The following CACNA2D1 variants were observed in gnomAD, a reference collection of about 807,000 sequenced individuals.
CACNA2D1 encodes calcium voltage-gated channel auxiliary subunit alpha2delta 1, also known as voltage-dependent calcium channel subunit alpha-2/delta-1.
CACNA2D1 carries 53 observed loss-of-function variants against 171.5 expected under a neutral mutation model. The observed-to-expected ratio is 0.31, with a 90% CI of 0.25 to 0.39. The LOEUF (loss-of-function observed/expected upper bound fraction) is 0.39, where lower values mean the gene tolerates loss of function less well. Among genes scored for constraint, CACNA2D1 ranks in the 10% least tolerant of loss-of-function variants. The pLI is 1.00. For synonymous variants in CACNA2D1, 442 were observed against 443.1 expected (o/e 1.00, Z 0.03); for missense variants, 903 against 1,299.8 (o/e 0.69, Z 4.69).
At chr7:82,304,052 A>G (rs1236884193) in intron 3 of CACNA2D1, among the ~76,000 whole-genome samples, 1 of 152,036 alleles carries the variant, frequency 6.6e-6, no homozygotes, top group Non-Finnish European at 1.5e-5. Flanking sequence ...ACATTTCTCA[A>G]AAGGAGACAT....
chr7:82,260,764 A>G (rs1323668608), intron 3 of CACNA2D1, among the ~76,000 whole-genome samples: 5 of 152,198 alleles, frequency 3.3e-5, no homozygotes, highest in African/African-American at 4.8e-5. Context: ...GCCTGTTTTT[A>G]ACAATGACAT....
chr7:81,973,864 A>G (rs1333835340), intron 25 of CACNA2D1, among the ~76,000 whole-genome samples: 1 of 152,026 alleles, frequency 6.6e-6, no homozygotes, highest in Non-Finnish European at 1.5e-5. Context: ...TTTACCTGAA[A>G]GACAAATATA....
chr7:82,259,890 G>T (rs529842190), intron 3 of CACNA2D1, among the ~76,000 whole-genome samples: 1 of 152,162 alleles, frequency 6.6e-6, no homozygotes, highest in Non-Finnish European at 1.5e-5. Flanking sequence ...TATAATTATA[G>T]TAGGTATGTT....
chr7:82,388,156 G>A (rs1239036431), intron 1 of CACNA2D1, among the ~76,000 whole-genome samples: 2 of 151,810 alleles, frequency 1.3e-5, no homozygotes, highest in Non-Finnish European at 2.9e-5. Context: ...CTGCTGGCAG[G>A]GTTGGCTTCT....
At chr7:82,337,316 C>A (rs528032360) in intron 2 of CACNA2D1, among the ~76,000 whole-genome samples, 1 of 151,916 alleles carries the variant, frequency 6.6e-6, no homozygotes, top group African/African-American at 2.4e-5. Context: ...TATAACTGCC[C>A]GCCAAAAAAA....
chr7:82,050,352 A>T (rs1805050190), intron 10 of CACNA2D1: 2 of 464,132 alleles, frequency 4.3e-6, no homozygotes, highest in Non-Finnish European at 7.7e-6. Flanking sequence ...AGAGACAAAG[A>T]GTTTATTACT....
chr7:82,283,136 C>T (rs1810334661), intron 3 of CACNA2D1, among the ~76,000 whole-genome samples: 1 of 151,872 alleles, frequency 6.6e-6, no homozygotes, highest in Admixed American at 6.6e-5. Flanking sequence ...CTGAAGAATA[C>T]CAATCTAACT....
chr7:82,141,271 G>A (rs1040284156), intron 4 of CACNA2D1, among the ~76,000 whole-genome samples: 1 of 151,980 alleles, frequency 6.6e-6, no homozygotes, highest in Non-Finnish European at 1.5e-5. Flanking sequence ...AGGAATAAAA[G>A]ATGATTCACA....
chr7:82,076,230 G>A (rs1162162449), intron 7 of CACNA2D1, among the ~76,000 whole-genome samples: 1 of 152,092 alleles, frequency 6.6e-6, no homozygotes. Context: ...TTTTAAAACA[G>A]TATGTCATCC....
At chr7:82,295,644 A>G (rs995302302) in intron 3 of CACNA2D1, among the ~76,000 whole-genome samples, 2 of 151,818 alleles carry the variant, frequency 1.3e-5, no homozygotes, top group African/African-American at 4.8e-5. Context: ...AGCCTCCCAA[A>G]GTGTTGAGAT....
intron 3 of CACNA2D1, among the ~76,000 whole-genome samples, chr7:82,203,512 G>A (rs1563197878): frequency 6.6e-6 from 1 of 152,174 alleles, no homozygotes; most frequent in Non-Finnish European, 1.5e-5. Flanking sequence ...TGCAGATTTA[G>A]AAGTGGCAAA....
intron 24 of CACNA2D1, among the ~76,000 whole-genome samples, chr7:81,980,103 ATG>A (rs1796288990): frequency 7.3e-6 from 1 of 136,614 alleles, no homozygotes; most frequent in South Asian, 2.7e-4. Flanking sequence ...ATGCATATGT[ATG>A]TATGTGTGTG....
chr7:82,031,353 T>C (rs1030155959), intron 12 of CACNA2D1, among the ~76,000 whole-genome samples: 1 of 151,970 alleles, frequency 6.6e-6, no homozygotes, highest in Non-Finnish European at 1.5e-5. Flanking sequence ...TATTAGTTAA[T>C]GCATCTGGAT....
rs1027452832 is a variant in CACNA2D1 at position 81,948,119 on chromosome 7, C to G, written c.*2273G>C. On this transcript the variant is annotated 3_prime_UTR_variant, in exon 39 of 39. Coordinates refer to ENST00000356860, the MANE Select transcript of CACNA2D1 (RefSeq NM_000722.4). ...TAATTTTAAGGTAGTTTGTTGTATG[C>G]TGGAAGCAATTCAATTGTTTTAATG... 5 of 151,706 alleles carry G rather than the reference C, an allele frequency of 3.3e-5. No individual in the cohort carries two copies. Among genetic ancestry groups the G allele is most frequent in the Admixed American group, 6.6e-5 (1 of 15,196 alleles). 9.4% of individuals were successfully genotyped at this position (151,706 alleles called of 1,614,324 possible). A position where few individuals can be genotyped will look rare whatever the true frequency, so the allele number is the denominator to read the frequency against.
At chr7:82,335,822 C>A (rs144686215) in intron 2 of CACNA2D1, among the ~76,000 whole-genome samples, 1 of 151,910 alleles carries the variant, frequency 6.6e-6, no homozygotes, top group Non-Finnish European at 1.5e-5. Context: ...TTTTTTTAAT[C>A]AAAGTAAATG....
chr7:82,335,727 A>G (rs1817917698), intron 2 of CACNA2D1, among the ~76,000 whole-genome samples: 1 of 152,208 alleles, frequency 6.6e-6, no homozygotes, highest in Non-Finnish European at 1.5e-5. Flanking sequence ...ATATTCATCT[A>G]GATAACAAGA....
At chr7:82,353,871 G>A (rs1820124825) in intron 1 of CACNA2D1, among the ~76,000 whole-genome samples, 1 of 152,074 alleles carries the variant, frequency 6.6e-6, no homozygotes, top group African/African-American at 2.4e-5. Flanking sequence ...GAGAGAACAT[G>A]TAATTTATTG....
At chr7:82,175,611 C>T (rs978604974) in intron 3 of CACNA2D1, among the ~76,000 whole-genome samples, 9 of 151,906 alleles carry the variant, frequency 5.9e-5, no homozygotes, top group East Asian at 1.9e-4. Flanking sequence ...CTTCAATGTT[C>T]GAAAGAAAAG....
chr7:82,350,660 G>A (rs1050621773), intron 1 of CACNA2D1, among the ~76,000 whole-genome samples: 5 of 151,928 alleles, frequency 3.3e-5, no homozygotes, highest in African/African-American at 9.7e-5. Flanking sequence ...GTGAGACTCC[G>A]TCTCAAAAAA....
Sources: gnomAD v4.1 joint callset for allele counts (sites outside exome capture counted in the v4.1 genomes callset) on GRCh38, gnomAD v4.1.1 for gene constraint, MANE v1.5 for transcripts, NCBI Gene and HGNC (gene_info 2026-07-23, HGNC 2026-07-21) for gene names.